GSE1: variants seen among roughly 807,000 people sequenced by gnomAD.
The protein encoded by GSE1 is genetic suppressor element 1.
A neutral mutation model predicts 112.6 loss-of-function variants in GSE1; 32 were observed. That is an observed-to-expected ratio of 0.28 (90% CI 0.21 to 0.38). The LOEUF (loss-of-function observed/expected upper bound fraction) is 0.38. Among genes scored for constraint, GSE1 ranks in the 10% least tolerant of loss-of-function variants. GSE1 has a pLI of 1.00. For synonymous variants in GSE1, 1,115 were observed against 735.6 expected (o/e 1.52, Z -8.35); for missense variants, 2,348 against 1,699.2 (o/e 1.38, Z -6.71).
intron 2 of GSE1, among the ~76,000 whole-genome samples, chr16:85,413,193 A>T (rs996958497): frequency 6.6e-6 from 1 of 152,132 alleles, no homozygotes; most frequent in Non-Finnish European, 1.5e-5. Context: ...CCATCCGGGC[A>T]GCGGCCGCTG....
intron 1 of GSE1, among the ~76,000 whole-genome samples, chr16:85,330,465 G>A (rs900850882): frequency 1.3e-5 from 2 of 152,236 alleles, no homozygotes; most frequent in Non-Finnish European, 2.9e-5. Flanking sequence ...GACCTCCCAA[G>A]AGGGTGGATA....
intron 2 of GSE1, among the ~76,000 whole-genome samples, chr16:85,496,444 C>T (rs2051180214): frequency 6.6e-6 from 1 of 152,184 alleles, no homozygotes; most frequent in South Asian, 2.1e-4. Context: ...AGAGAGGGAA[C>T]CATTACTGTG....
intron 2 of GSE1, among the ~76,000 whole-genome samples, chr16:85,512,576 T>C (rs1046457683): frequency 6.6e-6 from 1 of 152,170 alleles, no homozygotes; most frequent in Non-Finnish European, 1.5e-5. Flanking sequence ...TTCCCTCTCT[T>C]CTGAGGCAAA....
At chr16:85,347,811 T>C (rs1449238824) in intron 1 of GSE1, among the ~76,000 whole-genome samples, 3 of 152,202 alleles carry the variant, frequency 2.0e-5, no homozygotes, top group African/African-American at 7.2e-5. Flanking sequence ...GCTTCCGCTC[T>C]AGGACCTTCT....
chr16:85,245,769 G>T (rs1597176220), intron 1 of GSE1, among the ~76,000 whole-genome samples: 1 of 152,136 alleles, frequency 6.6e-6, no homozygotes, highest in Non-Finnish European at 1.5e-5. Context: ...CACCGCCTGG[G>T]GGGTGCCTTG....
intron 1 of GSE1, among the ~76,000 whole-genome samples, chr16:85,562,738 CA>C (rs1469900297): frequency 6.6e-6 from 1 of 152,214 alleles, no homozygotes; most frequent in Non-Finnish European, 1.5e-5. Flanking sequence ...GGAGCGGTCC[CA>C]GGGGGGTTCC....
chr16:85,599,476 G>A (rs897756410), intron 1 of GSE1, among the ~76,000 whole-genome samples: 4 of 152,222 alleles, frequency 2.6e-5, no homozygotes, highest in African/African-American at 4.8e-5. Flanking sequence ...GTGGTGACAC[G>A]GGACCAGCTG....
chr16:85,455,374 A>G (rs976568932), intron 2 of GSE1, among the ~76,000 whole-genome samples: 6 of 151,478 alleles, frequency 4.0e-5, no homozygotes, highest in African/African-American at 1.5e-4. Context: ...AAGACCTGGC[A>G]TTACAAAAGA....
At chr16:85,656,062 C>T (rs774930033) in intron 6 of GSE1, 145 bp downstream of exon 6, 59 of 708,538 alleles carry the variant, frequency 8.3e-5, no homozygotes, top group South Asian at 3.2e-4. Flanking sequence ...GGACAATGAT[C>T]GTTCAGGCTC....
intron 2 of GSE1, among the ~76,000 whole-genome samples, chr16:85,648,102 G>A (rs946482559): frequency 3.9e-5 from 6 of 151,990 alleles, no homozygotes; most frequent in Non-Finnish European, 7.4e-5. Context: ...TGTGTCCTGG[G>A]ATGTCCACAG....
At chr16:85,278,504 G>A (rs1329824949) in intron 1 of GSE1, among the ~76,000 whole-genome samples, 1 of 152,156 alleles carries the variant, frequency 6.6e-6, no homozygotes, top group African/African-American at 2.4e-5. Flanking sequence ...GAATTCACAA[G>A]GTTTGTTTTT....
chr16:85,442,709 C>T (rs1384799396), intron 2 of GSE1, among the ~76,000 whole-genome samples: 1 of 152,150 alleles, frequency 6.6e-6, no homozygotes, highest in Non-Finnish European at 1.5e-5. Context: ...GAGAGGCAGC[C>T]CCTGGCCCCC....
At chr16:85,438,832 T>G (rs1218690884) in intron 2 of GSE1, among the ~76,000 whole-genome samples, 1 of 152,180 alleles carries the variant, frequency 6.6e-6, no homozygotes, top group Non-Finnish European at 1.5e-5. Flanking sequence ...GGACCAGCCC[T>G]CAGGTCTGTG....
chr16:85,430,908 G>A (rs1020209234), intron 2 of GSE1, among the ~76,000 whole-genome samples: 1 of 152,206 alleles, frequency 6.6e-6, no homozygotes, highest in Non-Finnish European at 1.5e-5. Flanking sequence ...CTGGGAGCCT[G>A]CGTTCCCACC....
intron 2 of GSE1, among the ~76,000 whole-genome samples, chr16:85,440,586 G>A (rs2151779871): frequency 6.6e-6 from 1 of 152,332 alleles, no homozygotes; most frequent in South Asian, 2.1e-4. Context: ...GGTTAACTTT[G>A]CCAAGGGCCA....
At chr16:85,586,886 T>G (rs1266944305) in intron 1 of GSE1, among the ~76,000 whole-genome samples, 1 of 152,214 alleles carries the variant, frequency 6.6e-6, no homozygotes, top group Non-Finnish European at 1.5e-5. Context: ...TTTCTTATTT[T>G]AAATAATTCC....
chr16:85,326,001 C>A (rs932027140), intron 1 of GSE1, among the ~76,000 whole-genome samples: 1 of 152,170 alleles, frequency 6.6e-6, no homozygotes, highest in East Asian at 1.9e-4. Flanking sequence ...CCCGCCTCAG[C>A]CTCCCAAAGT....
intron 2 of GSE1, among the ~76,000 whole-genome samples, chr16:85,449,566 C>T (rs955890832): frequency 6.6e-6 from 1 of 152,252 alleles, no homozygotes; most frequent in African/African-American, 2.4e-5. Flanking sequence ...GATTGGAAAT[C>T]GGAGTGGGCG....
intron 2 of GSE1, among the ~76,000 whole-genome samples, chr16:85,413,601 C>T (rs973228237): frequency 6.6e-5 from 10 of 152,172 alleles, no homozygotes; most frequent in East Asian, 3.8e-4. Context: ...GACATAGTTA[C>T]TTAGGTATCA....
Sources: allele counts gnomAD v4.1 joint callset (sites outside exome capture counted in the v4.1 genomes callset), GRCh38; gene constraint gnomAD v4.1.1; transcripts MANE v1.5; gene names NCBI Gene and HGNC (gene_info 2026-07-23, HGNC 2026-07-21).